The following EHF variants were observed in gnomAD, a reference collection of about 807,000 sequenced individuals.
The protein encoded by EHF is ESE3 transcription factor.
EHF carries 14 observed loss-of-function variants against 45.1 expected under a neutral mutation model. The observed-to-expected ratio is 0.31, with a 90% CI of 0.21 to 0.49. EHF has a LOEUF of 0.49. Among genes scored for constraint, EHF ranks in the 20% least tolerant of loss-of-function variants. EHF has a pLI of 0.99. For synonymous variants in EHF, 136 were observed against 131.8 expected, an observed-to-expected ratio of 1.03 and a Z score of -0.22; for missense variants, 282 against 371.4, an observed-to-expected ratio of 0.76 and a Z score of 1.98.
chr11:34,636,268 T>C (rs1853393575), intron 1 of EHF, among the ~76,000 whole-genome samples: 1 of 152,246 alleles, frequency 6.6e-6, no homozygotes, highest in South Asian at 2.1e-4. Flanking sequence ...TCATCTCTAC[T>C]TTATAGATGA....
chr11:34,657,222 C>T (rs1382907665), intron 7 of EHF, among the ~76,000 whole-genome samples: 1 of 150,474 alleles, frequency 6.6e-6, no homozygotes, highest in East Asian at 2.0e-4. Flanking sequence ...CTGAGACACC[C>T]AGTGCCTAAG....
chr11:34,629,132 T>C (rs970156082), intron 1 of EHF, among the ~76,000 whole-genome samples: 2 of 152,194 alleles, frequency 1.3e-5, no homozygotes, highest in African/African-American at 4.8e-5. Flanking sequence ...AGCTATGGCC[T>C]GTTGAGGAGG....
intron 2 of EHF, among the ~76,000 whole-genome samples, chr11:34,645,319 C>CTTGTGAATGTACCATCTTG (rs1565036701): frequency 9.2e-5 from 14 of 152,276 alleles, no homozygotes; most frequent in Non-Finnish European, 1.0e-4. Flanking sequence ...TCATTGGCAT[C>CTTGTGAATGTACCATCTTG]TGAATGTACC....
At chr11:34,657,605 A>C (rs1855785803) in intron 7 of EHF, among the ~76,000 whole-genome samples, 1 of 131,626 alleles carries the variant, frequency 7.6e-6, no homozygotes, top group Non-Finnish European at 1.6e-5. Context: ...CTTGGGAAAC[A>C]TGACGAGACC....
chr11:34,630,104 G>T (rs1852740246), intron 1 of EHF, among the ~76,000 whole-genome samples: 1 of 152,064 alleles, frequency 6.6e-6, no homozygotes, highest in Admixed American at 6.5e-5. Context: ...GTTTATATTT[G>T]GTGGAAAAAG....
At chr11:34,623,854 C>G (rs1852152969) in intron 1 of EHF, among the ~76,000 whole-genome samples, 1 of 152,166 alleles carries the variant, frequency 6.6e-6, no homozygotes. Flanking sequence ...TCTGAAAGCC[C>G]AGGGCAAGAC....
chr11:34,638,399 GCT>G (rs1853659570), intron 1 of EHF, among the ~76,000 whole-genome samples: 1 of 152,196 alleles, frequency 6.6e-6, no homozygotes, highest in African/African-American at 2.4e-5. Context: ...CAGGCACTCT[GCT>G]GTGGGCTTTG....
intron 6 of EHF, 135 bp downstream of exon 6, chr11:34,651,940 T>C (rs1340467681): frequency 1.2e-6 from 1 of 845,516 alleles, no homozygotes; most frequent in South Asian, 2.2e-5. Context: ...GGGTTACCAT[T>C]AGACGAGGTT....
intron 6 of EHF, 92 bp downstream of exon 6, chr11:34,651,897 A>G (rs1855207766): frequency 7.9e-7 from 1 of 1,264,756 alleles, no homozygotes; most frequent in African/African-American, 1.5e-5. Flanking sequence ...GCCTTTCTGG[A>G]GTCTTTCTAA....
chr11:34,656,394 TAA>T (rs34892719), intron 6 of EHF, among the ~76,000 whole-genome samples: 4 of 144,728 alleles, frequency 2.8e-5, no homozygotes, highest in Non-Finnish European at 4.6e-5. Context: ...TCTATTATGC[TAA>T]AAAAAAAAAA....
In EHF at chr11:34,632,780, G is replaced by A. The variant is rs543009272; in HGVS notation, c.-3-9848G>A. On this transcript the variant is annotated intron_variant, in intron 1 of 8. Coordinates refer to ENST00000257831, the MANE Select transcript of EHF (RefSeq NM_012153.6). The stretch of plus-strand genomic sequence containing the variant: ...AGGAGCCACTATTATTTTGGAAGCC[G>A]TGTCCTTGTGAATAGTCCATCAGGG... 254 of 1,127,550 alleles carry A rather than the reference G, an allele frequency of 2.3e-4. 1 individual carries two copies. The African/African-American group carries it at 3.3e-3, about 15-fold the overall frequency. 69.8% of individuals were successfully genotyped at this position (1,127,550 alleles called of 1,614,324 possible).
intron 1 of EHF, among the ~76,000 whole-genome samples, chr11:34,636,550 A>G (rs1220269416): frequency 6.6e-6 from 1 of 152,244 alleles, no homozygotes; most frequent in Non-Finnish European, 1.5e-5. Context: ...GACTTTACAA[A>G]TAATCTCATT....
intron 1 of EHF, among the ~76,000 whole-genome samples, chr11:34,628,683 CTGTTCAATGTCA>C (rs1314866269): frequency 1.3e-5 from 2 of 152,168 alleles, no homozygotes; most frequent in African/African-American, 2.4e-5. Flanking sequence ...GGTTACAGTC[CTGTTCAATGTCA>C]TGTTTAGTTT....
chr11:34,648,851 C>A (rs1412791393), intron 3 of EHF, among the ~76,000 whole-genome samples, 168 bp from the exon 4 acceptor site: 1 of 152,142 alleles, frequency 6.6e-6, no homozygotes, highest in Non-Finnish European at 1.5e-5. Context: ...AGACTGCAGG[C>A]TTGAGTTTGT....
intron 3 of EHF, 161 bp downstream of exon 3, chr11:34,646,845 C>A: frequency 1.1e-6 from 1 of 945,436 alleles, no homozygotes; most frequent in Non-Finnish European, 1.6e-6. Context: ...GATGAAAGGA[C>A]AGGATTGAAG....
Position 34,642,173 on chromosome 11 carries a change from T to G in EHF, c.-3-455T>G, listed in dbSNP as rs76947627. ...TTGTTACTGGGTGTGCAGGTGCGAT[T>G]GCAGTCCGAGCTCCCACACAGGTGC... On this transcript the variant is annotated intron_variant, in intron 1 of 8. Transcript: ENST00000257831. The G allele has an allele frequency of 6.9e-3, 1,148 of 166,212 alleles. 17 individuals are homozygous for G. The highest frequency in any genetic ancestry group is 0.026 in the African/African-American group (1,095 of 41,738). The allele number at this position is 166,212 out of a possible 1,614,324, so 10.3% of individuals were successfully genotyped here. A position where few individuals can be genotyped will look rare whatever the true frequency, so the allele number is the denominator to read the frequency against.
At chr11:34,642,806 T>C in intron 2 of EHF, 79 bp downstream of exon 2, 1 of 1,057,098 alleles carries the variant, frequency 9.5e-7, no homozygotes, top group Non-Finnish European at 1.4e-6. Flanking sequence ...AACCTAATGT[T>C]TGAAAAATAT....
At chr11:34,656,693 T>G (rs1454667113) in intron 6 of EHF, among the ~76,000 whole-genome samples, 1 of 152,176 alleles carries the variant, frequency 6.6e-6, no homozygotes, top group Non-Finnish European at 1.5e-5. Flanking sequence ...TGCAAATTAT[T>G]CCCAAGTCCA....
intron 2 of EHF, among the ~76,000 whole-genome samples, chr11:34,645,193 G>A (rs532754221): frequency 1.1e-4 from 17 of 152,166 alleles, no homozygotes; most frequent in Non-Finnish European, 2.1e-4. Flanking sequence ...TTCCATTGCC[G>A]CAGAACTTCG....
Sources: gnomAD v4.1 joint callset for allele counts (sites outside exome capture counted in the v4.1 genomes callset) on GRCh38, gnomAD v4.1.1 for gene constraint, MANE v1.5 for transcripts, NCBI Gene and HGNC (gene_info 2026-07-23, HGNC 2026-07-21) for gene names.